The following ZC3H7B variants were observed in gnomAD, a reference collection of about 807,000 sequenced individuals.
ZC3H7B encodes the protein zinc finger CCCH-type containing 7B.
Under a neutral mutation model 116.0 loss-of-function variants are expected in ZC3H7B, and 35 were observed. That is an observed-to-expected ratio of 0.30 (90% CI 0.23 to 0.40). ZC3H7B has a LOEUF of 0.40. Ranked by LOEUF, ZC3H7B falls within the 10% of genes least tolerant of loss-of-function variation. The pLI is 1.00. For synonymous variants in ZC3H7B, 502 were observed against 545.6 expected, an observed-to-expected ratio of 0.92 and a Z score of 1.11; for missense variants, 1,011 against 1,321.5, an observed-to-expected ratio of 0.77 and a Z score of 3.64.
chr22:41,345,988 G>A lies in ZC3H7B; in HGVS notation c.1460-15G>A, dbSNP rs1456521285. The A allele has an allele frequency of 1.2e-6, 2 of 1,613,912 alleles. No individual in the cohort carries two copies. The highest frequency in any genetic ancestry group is 1.1e-5 in the South Asian group (1 of 91,088). ...CCCCGCCTGGCGGAACGTGTGTCCT[G>A]TTGCCTCTTTGCAGACATGATTAAC... On this transcript the variant is annotated splice_polypyrimidine_tract_variant and intron_variant, in intron 13 of 22. Coordinates refer to ENST00000352645, the MANE Select transcript of ZC3H7B (RefSeq NM_017590.6).
In ZC3H7B at chr22:41,357,847, TC is replaced by T; in HGVS notation, c.*423del. On this transcript the variant is annotated 3_prime_UTR_variant, in exon 23 of 23. Transcript: ENST00000352645. This position sits in a 1 kb window ranked among gnomAD's most constrained non-coding sequence, Gnocchi z 5.4. ...CCTGGCCCGTCCTCCTCCCACCCCC[TC>T]CCCCTGGGGGCAAATCAGGACACAA... 1 of 221,254 alleles carries T rather than the reference TC, an allele frequency of 4.5e-6. No individual in the cohort carries two copies. The highest frequency in any genetic ancestry group is 9.1e-6 in the Non-Finnish European group (1 of 109,816). 13.7% of individuals were successfully genotyped at this position (221,254 alleles called of 1,614,324 possible).
intron 6 of ZC3H7B, among the ~76,000 whole-genome samples, 185 bp from the exon 7 acceptor site, chr22:41,331,986 A>G (rs1460052178): frequency 1.3e-5 from 2 of 151,928 alleles, no homozygotes; most frequent in African/African-American, 2.4e-5. Context: ...GGAAGAAGAA[A>G]ACCCCAGAAT....
intron 22 of ZC3H7B, 149 bp downstream of exon 22, chr22:41,356,957 G>T: frequency 7.4e-7 from 1 of 1,352,782 alleles, no homozygotes; most frequent in South Asian, 1.4e-5. Context: ...TGGTGGGGAA[G>T]GGTGGATGGG....
At chr22:41,337,053 T>C (rs894976255) in intron 7 of ZC3H7B, among the ~76,000 whole-genome samples, 1 of 151,896 alleles carries the variant, frequency 6.6e-6, no homozygotes, top group African/African-American at 2.4e-5. Context: ...GGAGAATCGC[T>C]TGAACCTGGG....
chr22:41,330,003 C>G lies in ZC3H7B; in HGVS notation c.445-20C>G. On this transcript the variant is annotated intron_variant, in intron 5 of 22. Transcript: ENST00000352645. ...AGCCCGGGCAGACTGACCCACCGCCCTGTGTCTTGTCCTCTGCAGGATGAA... is the reference window on the plus strand; with the variant it reads ...AGCCCGGGCAGACTGACCCACCGCCGTGTGTCTTGTCCTCTGCAGGATGAA... The G allele has an allele frequency of 6.2e-6, 10 of 1,613,234 alleles. No homozygotes were observed. The highest frequency in any genetic ancestry group is 1.1e-5 in the South Asian group (1 of 90,960).
At chr22:41,303,111 A>G (rs1402557432) in intron 1 of ZC3H7B, among the ~76,000 whole-genome samples, 1 of 152,204 alleles carries the variant, frequency 6.6e-6, no homozygotes, top group Non-Finnish European at 1.5e-5. Context: ...ACATACAGCC[A>G]TCCCCTCCGT....
At chr22:41,344,569 T>C (rs1029658449) in intron 13 of ZC3H7B, among the ~76,000 whole-genome samples, 2 of 152,218 alleles carry the variant, frequency 1.3e-5, no homozygotes, top group Non-Finnish European at 2.9e-5. Context: ...AGCCCTTCTC[T>C]GCGGTGCTTC....
In ZC3H7B at chr22:41,359,683, G is replaced by T. The variant is rs2036763303; in HGVS notation, c.*2254G>T. The T allele has an allele frequency of 6.6e-6, 1 of 152,266 alleles. No homozygotes were observed. The highest frequency in any genetic ancestry group is 2.4e-5 in the African/African-American group (1 of 41,468). 9.4% of individuals were successfully genotyped at this position (152,266 alleles called of 1,614,324 possible). A position where few individuals can be genotyped will look rare whatever the true frequency, so the allele number is the denominator to read the frequency against. ...TGTCCAGGGACCCTTGGGATCTGGG[G>T]CTTCCTGGCCTGGCCAGAGCTGGAG... On this transcript the variant is annotated 3_prime_UTR_variant, in exon 23 of 23. Transcript: ENST00000352645.
At chr22:41,324,669 G>T (rs1299509685) in intron 2 of ZC3H7B, among the ~76,000 whole-genome samples, 1 of 152,160 alleles carries the variant, frequency 6.6e-6, no homozygotes, top group Non-Finnish European at 1.5e-5. Context: ...CACCTAGAAT[G>T]ATTTGTTGAG....
intron 5 of ZC3H7B, 32 bp from the exon 6 acceptor site, chr22:41,329,991 T>C: frequency 6.2e-7 from 1 of 1,611,200 alleles, no homozygotes; most frequent in Non-Finnish European, 8.5e-7. Flanking sequence ...CCGGGCAGAC[T>C]GACCCACCGC....
chr22:41,349,353 G>A lies in ZC3H7B; in HGVS notation c.1948+52G>A, dbSNP rs757794174. 4 of 1,598,558 alleles carry A rather than the reference G, an allele frequency of 2.5e-6. No homozygotes were observed. The highest frequency in any genetic ancestry group is 8.5e-7 in the Non-Finnish European group (1 of 1,172,092). On this transcript the variant is annotated intron_variant, in intron 16 of 22. Coordinates refer to ENST00000352645, the MANE Select transcript of ZC3H7B (RefSeq NM_017590.6). This position sits in a 1 kb window ranked among gnomAD's most constrained non-coding sequence, Gnocchi z 4.9. ...GGCAGGTGACTCAGGTGAGGGGTAG[G>A]CGGCGCAGGTGAAGGGAGCGCAGGA...
chr22:41,317,578 C>T (rs2036200416), intron 1 of ZC3H7B, among the ~76,000 whole-genome samples: 1 of 151,650 alleles, frequency 6.6e-6, no homozygotes, highest in African/African-American at 2.4e-5. Context: ...TTTCTTGAGC[C>T]CAGGAGTTCG....
chr22:41,322,486 C>A (rs7284851), intron 2 of ZC3H7B, among the ~76,000 whole-genome samples: 1 of 152,038 alleles, frequency 6.6e-6, no homozygotes, highest in Non-Finnish European at 1.5e-5. Flanking sequence ...GCATCCAGCC[C>A]GACATTTGTT....
intron 1 of ZC3H7B, among the ~76,000 whole-genome samples, chr22:41,309,603 C>T (rs1285086113): frequency 1.3e-5 from 2 of 152,198 alleles, no homozygotes; most frequent in African/African-American, 2.4e-5. Flanking sequence ...GCGTGAACCA[C>T]CGCATCCGGC....
Position 41,320,772 on chromosome 22 carries a change from AGCCATGCCCTCCCAGC to A in ZC3H7B, c.53+62_53+77del, listed in dbSNP as rs907126848. 3 of 1,600,476 alleles carry A rather than the reference AGCCATGCCCTCCCAGC, an allele frequency of 1.9e-6. No individual in the cohort carries two copies. In the African/African-American group the frequency reaches 4.0e-5, roughly 21 times the overall value. ...GGTGGGCAAGGGTGGGTTCTCTGAG[AGCCATGCCCTCCCAGC>A]GCTCCCTTTTCTTGCTGCTGAGCCT... On this transcript the variant is annotated intron_variant, in intron 2 of 22. Transcript: ENST00000352645.
intron 13 of ZC3H7B, among the ~76,000 whole-genome samples, chr22:41,344,086 T>C (rs531851328): frequency 8.5e-5 from 13 of 152,362 alleles, no homozygotes; most frequent in Middle Eastern, 6.8e-3. Context: ...CTAGCTTCTT[T>C]CTGGTCCCAG....
chr22:41,342,591 G>C lies in ZC3H7B; in HGVS notation c.1260G>C (p.Glu420Asp). Reference protein sequence around the residue: ...LIKNPLAATHEFKQACQLCYP... With the variant: ...LIKNPLAATHDFKQACQLCYP... ...AGAACCCCTTGGCTGCCACCCACGA[G>C]TTCAAGCAGGCCTGCCAGCTCTGCT... Residue 420 changes from glutamate (E) to aspartate (D), a missense_variant, in exon 12 of 23, where the codon GAG becomes GAC. Physicochemically the swap from Glu to Asp is conservative, Grantham distance 45 (BLOSUM62 2). Around this residue, in one of 5 missense-constraint regions of ZC3H7B, gnomAD observed 179 missense variants for 178.5 expected, o/e 1.00. Transcript: ENST00000352645. 1 of 1,613,216 alleles carries C rather than the reference G, an allele frequency of 6.2e-7. No individual in the cohort carries two copies. Among genetic ancestry groups the C allele is most frequent in the Non-Finnish European group, 8.5e-7 (1 of 1,179,894 alleles).
intron 2 of ZC3H7B, among the ~76,000 whole-genome samples, chr22:41,323,249 G>A (rs1435026653): frequency 6.6e-6 from 1 of 152,218 alleles, no homozygotes; most frequent in East Asian, 1.9e-4. Context: ...CAGAGCGGTT[G>A]CTAGCTCATC....
intron 1 of ZC3H7B, among the ~76,000 whole-genome samples, chr22:41,318,160 A>G (rs1485730831): frequency 2.6e-5 from 4 of 152,026 alleles, no homozygotes; most frequent in African/African-American, 9.7e-5. Context: ...GCTGGGTGAC[A>G]CACGTGGCTC....
Sources: gnomAD v4.1 joint callset for allele counts (sites outside exome capture counted in the v4.1 genomes callset) on GRCh38, gnomAD v4.1.1 for gene constraint, gnomAD v4.1.1 regional missense constraint, Gnocchi (gnomAD v3.1) non-coding constraint, MANE v1.5 for transcripts, NCBI Gene and HGNC (gene_info 2026-07-23, HGNC 2026-07-21) for gene names.